The following ATP13A3 variants were observed in gnomAD, a reference collection of about 807,000 sequenced individuals.
ATP13A3 encodes ATPase 13A3, also known as polyamine-transporting ATPase 13A3.
ATP13A3 carries 59 observed loss-of-function variants against 158.1 expected under a neutral mutation model. The observed-to-expected ratio is 0.37, with a 90% confidence interval of 0.30 to 0.46. The LOEUF (loss-of-function observed/expected upper bound fraction) is 0.46. ATP13A3 is among the 20% of genes least tolerant of loss of function. The pLI is 1.00. For synonymous variants in ATP13A3, 491 were observed against 504.3 expected (o/e 0.97, Z 0.35); for missense variants, 1,166 against 1,525.2 (o/e 0.76, Z 3.92).
At chr3:194,414,991 G>A (rs757933361) in intron 31 of ATP13A3, among the ~76,000 whole-genome samples, 1 of 152,176 alleles carries the variant, frequency 6.6e-6, no homozygotes, top group African/African-American at 2.4e-5. Flanking sequence ...GATATCACCA[G>A]AATGTATTGA....
chr3:194,434,067 A>G (rs1372681024), intron 20 of ATP13A3, among the ~76,000 whole-genome samples, 171 bp from the exon 21 acceptor site: 1 of 152,258 alleles, frequency 6.6e-6, no homozygotes. Flanking sequence ...TGTGTGTTCA[A>G]GAGTTCAGTA....
chr3:194,433,931 A>C, intron 20 of ATP13A3, 35 bp from the exon 21 acceptor site: 2 of 1,593,676 alleles, frequency 1.3e-6, no homozygotes, highest in Non-Finnish European at 1.7e-6. Flanking sequence ...ATAATGGTTT[A>C]GTCAATTGAG....
At chr3:194,487,164 AAG>A, upstream of ATP13A3, among the ~76,000 whole-genome samples, 1 of 152,258 alleles carries the variant, frequency 6.6e-6, no homozygotes, top group South Asian at 2.1e-4. Context: ...AAAAGAAAGA[AAG>A]AGGCAGGTAA....
intron 27 of ATP13A3, 133 bp downstream of exon 27, chr3:194,429,545 T>G: frequency 1.9e-6 from 1 of 515,116 alleles, no homozygotes; most frequent in Non-Finnish European, 3.3e-6. Context: ...TACAGTAAAT[T>G]GAAGGTAAAT....
intron 31 of ATP13A3, among the ~76,000 whole-genome samples, chr3:194,414,874 A>C (rs1577026859): frequency 6.6e-6 from 1 of 152,232 alleles, no homozygotes; most frequent in African/African-American, 2.4e-5. Context: ...TCAATATATC[A>C]GTGTATTTGC....
chr3:194,415,731 G>A (rs1430502302), intron 31 of ATP13A3, among the ~76,000 whole-genome samples: 2 of 135,632 alleles, frequency 1.5e-5, no homozygotes, highest in South Asian at 2.3e-4. Context: ...GTGCAGTGGT[G>A]TGATCTTGGC....
intron 30 of ATP13A3, among the ~76,000 whole-genome samples, chr3:194,423,742 G>T (rs1024815511): frequency 6.6e-6 from 1 of 152,102 alleles, no homozygotes; most frequent in Non-Finnish European, 1.5e-5. Flanking sequence ...GAAATTAAAC[G>T]AGAAAACAAA....
At chr3:194,479,228 T>C (rs1720655627) in intron 2 of ATP13A3, among the ~76,000 whole-genome samples, 1 of 152,174 alleles carries the variant, frequency 6.6e-6, no homozygotes, top group Non-Finnish European at 1.5e-5. Flanking sequence ...TCTAAGGCAG[T>C]GCTGACAATT....
chr3:194,413,791 G>A lies in ATP13A3; in HGVS notation c.3451C>T (p.Leu1151Phe), dbSNP rs764734247. 3 of 1,613,794 alleles carry A rather than the reference G, an allele frequency of 1.9e-6. No homozygotes were observed. Among genetic ancestry groups the A allele is most frequent in the East Asian group, 4.5e-5 (2 of 44,882 alleles). Residue 1151 changes from leucine (L) to phenylalanine (F), a missense_variant, in exon 32 of 34, where the codon CTT (leucine) becomes TTT (phenylalanine). Around this residue, in one of 3 missense-constraint regions of ATP13A3, gnomAD observed 997 missense variants for 1,341.2 expected, o/e 0.74. Coordinates refer to ENST00000645319, the MANE Select transcript of ATP13A3 (RefSeq NM_001367549.1). ...QWRVTMLIIV[L>F]VNAFVSITVE... is the part of the protein sequence containing the mutation. ...GTGATAGACACAAAGGCATTGACAA[G>A]AACAATGATGAGCATAGTTACACGC...
At chr3:194,459,245 G>T in intron 6 of ATP13A3, 2 of 488,208 alleles carry the variant, frequency 4.1e-6, no homozygotes, top group Non-Finnish European at 3.7e-6. Flanking sequence ...GCATCATACT[G>T]ACTCTAAGTT....
chr3:194,447,761 C>T, intron 13 of ATP13A3, 91 bp downstream of exon 13: 17 of 1,192,674 alleles, frequency 1.4e-5, no homozygotes, highest in Non-Finnish European at 1.8e-5. Flanking sequence ...ATTTTAGTTC[C>T]TCATTCTCAG....
chr3:194,447,304 C>G (rs529174436), intron 13 of ATP13A3, among the ~76,000 whole-genome samples, 189 bp from the exon 14 acceptor site: 2 of 152,076 alleles, frequency 1.3e-5, no homozygotes, highest in East Asian at 3.9e-4. Flanking sequence ...AATAAAAAAG[C>G]TCAATGGATT....
At chr3:194,421,422 G>A (rs924351981) in intron 30 of ATP13A3, among the ~76,000 whole-genome samples, 3 of 149,778 alleles carry the variant, frequency 2.0e-5, no homozygotes, top group South Asian at 2.1e-4. Flanking sequence ...GCGTGGTGGC[G>A]GGTGCCTGTA....
Position 194,448,665 on chromosome 3 carries a change from C to T in ATP13A3, c.971-29G>A. 1 of 1,590,880 alleles carries T rather than the reference C, an allele frequency of 6.3e-7. No individual in the cohort carries two copies. Among genetic ancestry groups the T allele is most frequent in the Non-Finnish European group, 8.5e-7 (1 of 1,169,688 alleles). Reference sequence around the variant, plus strand: ...TAAAAAACAACAACAACAACAAAAACAGTTTACAAATTATTAAACGAAAGC... The same window carrying T: ...TAAAAAACAACAACAACAACAAAAATAGTTTACAAATTATTAAACGAAAGC... On this transcript the variant is annotated intron_variant, in intron 11 of 33. Transcript: ENST00000645319. The surrounding 1 kb of genome is among the most constrained non-coding windows in gnomAD (Gnocchi z 4.0).
At chr3:194,420,373 CAT>C (rs1263274358) in intron 30 of ATP13A3, 1 of 154,366 alleles carries the variant, frequency 6.5e-6, no homozygotes, top group African/African-American at 2.4e-5. Context: ...TCATTTAAAA[CAT>C]GTATTCAATG....
chr3:194,456,021 A>G, intron 7 of ATP13A3, 59 bp from the exon 8 acceptor site: 1 of 1,096,260 alleles, frequency 9.1e-7, no homozygotes, highest in Non-Finnish European at 1.3e-6. Context: ...TAATTTACGA[A>G]AGGCATTGTA....
At chr3:194,456,057 G>A in intron 7 of ATP13A3, 95 bp from the exon 8 acceptor site, 6 of 667,478 alleles carry the variant, frequency 9.0e-6, no homozygotes, top group Non-Finnish European at 1.4e-5. Flanking sequence ...ACCACAGACT[G>A]TTCTTATTCA....
rs1714867368 is a variant in ATP13A3, at chr3:194,405,475, A to C, written c.*444T>G. The C allele has an allele frequency of 6.3e-6, 1 of 158,626 alleles. No homozygotes were observed. Among genetic ancestry groups the C allele is most frequent in the Admixed American group, 6.1e-5 (1 of 16,416 alleles). 9.8% of individuals were successfully genotyped at this position (158,626 alleles called of 1,614,324 possible). On this transcript the variant is annotated 3_prime_UTR_variant, in exon 34 of 34. Coordinates refer to ENST00000645319, the MANE Select transcript of ATP13A3 (RefSeq NM_001367549.1). ...ATATTTTCACTGGAGGCTAATTAAC[A>C]CTCATCTTCTTTTTATCAATCACAA...
At chr3:194,433,232 CT>C (rs71637136) in intron 21 of ATP13A3, among the ~76,000 whole-genome samples, 323 of 113,620 alleles carry the variant, frequency 2.8e-3, no homozygotes, top group African/African-American at 7.5e-3. Flanking sequence ...TTTTACTATT[CT>C]TTTTTTTTTT....
Sources: allele counts gnomAD v4.1 joint callset (sites outside exome capture counted in the v4.1 genomes callset), GRCh38; gene constraint gnomAD v4.1.1; regional missense constraint gnomAD v4.1.1; non-coding constraint Gnocchi (gnomAD v3.1); transcripts MANE v1.5; gene names NCBI Gene and HGNC (gene_info 2026-07-23, HGNC 2026-07-21).